The following FAM171A2 variants were observed in gnomAD, a reference collection of about 807,000 sequenced individuals.
The protein encoded by FAM171A2 is protein FAM171A2.
A neutral mutation model predicts 34.2 loss-of-function variants in FAM171A2; 13 were observed. That is an observed-to-expected ratio of 0.38 (90% CI 0.25 to 0.60). The LOEUF (loss-of-function observed/expected upper bound fraction) is 0.60, where lower values mean the gene tolerates loss of function less well. Among genes scored for constraint, FAM171A2 ranks in the 20% least tolerant of loss-of-function variants. The pLI is 0.62. For synonymous variants in FAM171A2, 475 were observed against 561.2 expected (o/e 0.85, Z 2.17); for missense variants, 950 against 1,180.7 (o/e 0.80, Z 2.86).
Position 44,353,620 on chromosome 17 carries a change from C to T in FAM171A2, c.*113G>A, listed in dbSNP as rs939752417. ...CGGAACAGCTCCAAGGCCCCTGGGCCCCTCTCCGGCCTGGGGCTGGGAGCT... is the reference window on the plus strand; with the variant it reads ...CGGAACAGCTCCAAGGCCCCTGGGCTCCTCTCCGGCCTGGGGCTGGGAGCT... On this transcript the variant is annotated 3_prime_UTR_variant, in exon 8 of 8. Coordinates refer to ENST00000293443, the MANE Select transcript of FAM171A2 (RefSeq NM_198475.3). The T allele has an allele frequency of 7.4e-6, 6 of 807,298 alleles. No homozygotes were observed. In the African/African-American group the frequency reaches 1.1e-4, roughly 15 times the overall value. The allele number at this position is 807,298 out of a possible 1,614,324, so 50.0% of individuals were successfully genotyped here. A position where few individuals can be genotyped will look rare whatever the true frequency, so the allele number is the denominator to read the frequency against.
chr17:44,354,389 C>G lies in FAM171A2; in HGVS notation c.1825G>C (p.Ala609Pro). Reference sequence around the variant, plus strand: ...GTGACTGAGCCACTGACGGGCGCCGCGCGCCCGGCCCCCCAGCCCTCGCCG... The same window carrying G: ...GTGACTGAGCCACTGACGGGCGCCGGGCGCCCGGCCCCCCAGCCCTCGCCG... ...GGGEGWGAGR[A>P]APVSGSVTIP... Residue 609 changes from alanine (A) to proline (P), a missense_variant, in exon 8 of 8, where the codon GCG (alanine) becomes CCG (proline). This residue lies in a region of FAM171A2 where 752 missense variants were observed against 924.5 expected (regional missense o/e 0.81). Coordinates refer to ENST00000293443, the MANE Select transcript of FAM171A2 (RefSeq NM_198475.3). The surrounding 1 kb of genome is among the most constrained non-coding windows in gnomAD (Gnocchi z 5.8). The G allele has an allele frequency of 7.9e-7, 1 of 1,271,878 alleles. No individual in the cohort carries two copies. The highest frequency in any genetic ancestry group is 1.0e-6 in the Non-Finnish European group (1 of 996,408). The allele number at this position is 1,271,878 out of a possible 1,614,324, so 78.8% of individuals were successfully genotyped here.
chr17:44,359,719 C>T, intron 2 of FAM171A2, 48 bp from the exon 3 acceptor site: 1 of 1,474,930 alleles, frequency 6.8e-7, no homozygotes, highest in Non-Finnish European at 9.2e-7. Context: ...ACCCCCTACC[C>T]CCCAGCCAGG....
chr17:44,358,696 CCAACAA>C (rs974905468), intron 3 of FAM171A2, among the ~76,000 whole-genome samples: 4 of 151,750 alleles, frequency 2.6e-5, no homozygotes, highest in African/African-American at 4.8e-5. Context: ...AAAAAAAAAC[CCAACAA>C]CAACAACAAC....
At chr17:44,359,292 G>A in intron 3 of FAM171A2, 1 of 433,090 alleles carries the variant, frequency 2.3e-6, no homozygotes, top group Non-Finnish European at 4.3e-6. Flanking sequence ...TGAAGATAAA[G>A]GTGGCAGGGA....
rs191662436 is a variant in FAM171A2, at chr17:44,360,051, C to T, written c.200G>A (p.Arg67Gln). The change falls in exon 2 of 8, where the codon CGG becomes CAG. Residue 67 changes from arginine (R) to glutamine (Q), a missense_variant. Transcript: ENST00000293443. ...ARASVDVFGN[R>Q]TLLAAGTTDS... is the part of the protein sequence containing the mutation. ...TGTGGTGCCAGCTGCCAGCAGAGTC[C>T]GGTTCCCAAACACATCCACTGAGGC... The T allele has an allele frequency of 1.6e-4, 252 of 1,551,744 alleles. 1 individual carries two copies. Among genetic ancestry groups the T allele is most frequent in the Admixed American group, 1.1e-3 (55 of 51,008 alleles).
intron 3 of FAM171A2, among the ~76,000 whole-genome samples, chr17:44,358,779 G>A (rs764421912): frequency 7.9e-5 from 12 of 152,112 alleles, no homozygotes; most frequent in Non-Finnish European, 1.3e-4. Flanking sequence ...CTCAAACTCC[G>A]AAACCCACCA....
At chr17:44,362,949 A>C (rs957898367) in intron 1 of FAM171A2, among the ~76,000 whole-genome samples, 4 of 152,146 alleles carry the variant, frequency 2.6e-5, no homozygotes, top group African/African-American at 9.7e-5. Flanking sequence ...CCCTTTTCTT[A>C]GAGGCCCACA....
In FAM171A2 at chr17:44,353,632, T is replaced by G; in HGVS notation, c.*101A>C. ...AAGGCCCCTGGGCCCCTCTCCGGCC[T>G]GGGGCTGGGAGCTACGCGCGAGGGC... On this transcript the variant is annotated 3_prime_UTR_variant, in exon 8 of 8. Coordinates refer to ENST00000293443, the MANE Select transcript of FAM171A2 (RefSeq NM_198475.3). 1 of 943,096 alleles carries G rather than the reference T, an allele frequency of 1.1e-6. No homozygotes were observed. 58.4% of individuals were successfully genotyped at this position (943,096 alleles called of 1,614,324 possible). A position where few individuals can be genotyped will look rare whatever the true frequency, so the allele number is the denominator to read the frequency against.
Position 44,354,254 on chromosome 17 carries a change from A to G in FAM171A2, c.1960T>C (p.Trp654Arg). 6.9e-7 allele frequency: 1 copy of G among 1,453,354 alleles called. No homozygotes were observed. Among genetic ancestry groups the G allele is most frequent in the Non-Finnish European group, 9.1e-7 (1 of 1,094,738 alleles). The allele number at this position is 1,453,354 out of a possible 1,614,324, so 90.0% of individuals were successfully genotyped here. A position where few individuals can be genotyped will look rare whatever the true frequency, so the allele number is the denominator to read the frequency against. ...ELGVKPHPRA[W>R]FVSLDGRSNS... ...GAGCGCCCGTCGAGGGACACGAACC[A>G]GGCGCGCGGGTGCGGCTTCACGCCC... is the stretch of plus-strand genomic sequence containing the variant. Residue 654 changes from tryptophan to arginine, a missense_variant, in exon 8 of 8, where the codon TGG becomes CGG. Physicochemically the swap from Trp to Arg is moderately radical, Grantham distance 101. This residue lies in a region of FAM171A2 where 752 missense variants were observed against 924.5 expected (regional missense o/e 0.81). Coordinates refer to ENST00000293443, the MANE Select transcript of FAM171A2 (RefSeq NM_198475.3). This position sits in a 1 kb window ranked among gnomAD's most constrained non-coding sequence, Gnocchi z 5.8.
chr17:44,358,778 C>T (rs1425946492), intron 3 of FAM171A2, among the ~76,000 whole-genome samples: 1 of 152,116 alleles, frequency 6.6e-6, no homozygotes, highest in East Asian at 1.9e-4. Context: ...CCTCAAACTC[C>T]GAAACCCACC....
At position 44,355,177 on chromosome 17, in the gene FAM171A2, T is replaced by G; in HGVS notation, c.1037A>C (p.Lys346Thr). Residue 346 changes from lysine (K) to threonine (T), a missense_variant, in exon 8 of 8, where the codon AAG (lysine) becomes ACG (threonine). Around this residue, in one of 3 missense-constraint regions of FAM171A2, gnomAD observed 752 missense variants for 924.5 expected, o/e 0.81. Coordinates refer to ENST00000293443, the MANE Select transcript of FAM171A2 (RefSeq NM_198475.3). This position sits in a 1 kb window ranked among gnomAD's most constrained non-coding sequence, Gnocchi z 4.1. ...LIYYCRRRCL[K>T]PRQQHRKLQL... ...CAGCTTGCGGTGCTGTTGCCTCGGC[T>G]TCAGGCAGCGCCTCCTGGAAGGGAG... 6.4e-7 allele frequency: 1 copy of G among 1,550,554 alleles called. No homozygotes were observed. The highest frequency in any genetic ancestry group is 8.7e-7 in the Non-Finnish European group (1 of 1,146,806).
At chr17:44,357,730 C>CGTGTGTGTGTGTGTGTGT (rs141824631) in intron 3 of FAM171A2, among the ~76,000 whole-genome samples, 4,162 of 143,220 alleles carry the variant, frequency 0.029, 97 homozygotes, top group South Asian at 0.036. Flanking sequence ...CAGTTTAGGT[C>CGTGTGTGTGTGTGTGTGT]GTGTGTGTGT....
Position 44,355,196 on chromosome 17 carries a change from A to G in FAM171A2, c.1023-5T>C, listed in dbSNP as rs997188329. The G allele has an allele frequency of 7.1e-6, 11 of 1,550,114 alleles. No homozygotes were observed. The African/African-American group carries it at 1.2e-4, about 17-fold the overall frequency. On this transcript the variant is annotated splice_polypyrimidine_tract_variant and splice_region_variant and intron_variant, in intron 7 of 7. Transcript: ENST00000293443. The surrounding 1 kb of genome is among the most constrained non-coding windows in gnomAD (Gnocchi z 4.1). ...CTCGGCTTCAGGCAGCGCCTCCTGG[A>G]AGGGAGGGAGCAGAAGGGGCCGCTC...
At chr17:44,361,343 TG>T (rs2048447080) in intron 1 of FAM171A2, among the ~76,000 whole-genome samples, 1 of 152,178 alleles carries the variant, frequency 6.6e-6, no homozygotes, top group Non-Finnish European at 1.5e-5. Context: ...GACACCTCAG[TG>T]GGGGGCCCAG....
intron 3 of FAM171A2, among the ~76,000 whole-genome samples, chr17:44,358,269 G>A (rs1385612967): frequency 1.3e-5 from 2 of 152,218 alleles, no homozygotes; most frequent in East Asian, 1.9e-4. Context: ...ACCTGGGCTT[G>A]GTACTGAAAG....
Position 44,359,566 on chromosome 17 carries a change from G to C in FAM171A2, c.439+13C>G. 1.3e-6 allele frequency: 2 copies of C among 1,549,774 alleles called. No individual in the cohort carries two copies. The highest frequency in any genetic ancestry group is 1.2e-5 in the South Asian group (1 of 84,022). ...AAGGAAGAAGAGTTGGCGTGGGTGA[G>C]GGGGAGCCTTACCGGGAGAGCCTAG... is the stretch of plus-strand genomic sequence containing the variant. On this transcript the variant is annotated intron_variant, in intron 3 of 7. Transcript: ENST00000293443.
chr17:44,360,696 G>A (rs896911794), intron 1 of FAM171A2, among the ~76,000 whole-genome samples: 4 of 152,154 alleles, frequency 2.6e-5, no homozygotes, highest in Admixed American at 6.5e-5. Context: ...GTCCGCAGGC[G>A]GAGAGGAGAA....
rs2048409323 is a variant in FAM171A2, at chr17:44,354,419, C to T, written c.1795G>A (p.Gly599Ser). Reference sequence around the variant, plus strand: ...CCGGCCCCCCAGCCCTCGCCGCCGCCCCCGCCGCCCTCGCCCCCCGGGCCC... The same window carrying T: ...CCGGCCCCCCAGCCCTCGCCGCCGCTCCCGCCGCCCTCGCCCCCCGGGCCC... ...HSGPGGEGGGGGGEGWGAGRA... is the reference protein window; with the variant it reads ...HSGPGGEGGGSGGEGWGAGRA... The change falls in exon 8 of 8, where the codon GGC (glycine) becomes AGC (serine). Residue 599 changes from glycine to serine, a missense_variant. Transcript: ENST00000293443. This position sits in a 1 kb window ranked among gnomAD's most constrained non-coding sequence, Gnocchi z 5.8. 18 of 1,157,330 alleles carry T rather than the reference C, an allele frequency of 1.6e-5. 1 individual carries two copies. The highest frequency in any genetic ancestry group is 9.9e-5 in the African/African-American group (6 of 60,478). The allele number at this position is 1,157,330 out of a possible 1,614,324, so 71.7% of individuals were successfully genotyped here.
At position 44,354,525 on chromosome 17, in the gene FAM171A2, G is replaced by T; in HGVS notation, c.1689C>A (p.Ala563=). ...AGAAGVGDEP[A]PPEGTAPGPA... ...GGCCGGGTGCCGTGCCCTCCGGCGG[G>T]GCCGGCTCGTCGCCCACGCCGGCGG... is the stretch of plus-strand genomic sequence containing the variant. The change falls in exon 8 of 8, where the codon GCC becomes GCA. Residue 563 remains alanine, a synonymous_variant. Coordinates refer to ENST00000293443, the MANE Select transcript of FAM171A2 (RefSeq NM_198475.3). This position sits in a 1 kb window ranked among gnomAD's most constrained non-coding sequence, Gnocchi z 5.8. 15 of 1,157,864 alleles carry T rather than the reference G, an allele frequency of 1.3e-5. No homozygotes were observed. The highest frequency in any genetic ancestry group is 1.6e-5 in the Non-Finnish European group (15 of 940,154). The allele number at this position is 1,157,864 out of a possible 1,614,324, so 71.7% of individuals were successfully genotyped here. A position where few individuals can be genotyped will look rare whatever the true frequency, so the allele number is the denominator to read the frequency against.
Sources: allele counts gnomAD v4.1 joint callset (sites outside exome capture counted in the v4.1 genomes callset), GRCh38; gene constraint gnomAD v4.1.1; regional missense constraint gnomAD v4.1.1; non-coding constraint Gnocchi (gnomAD v3.1); transcripts MANE v1.5; gene names NCBI Gene and HGNC (gene_info 2026-07-23, HGNC 2026-07-21).